Variants in KIF26B observed in about 807,000 individuals in gnomAD.
KIF26B encodes the protein kinesin-like protein KIF26B.
KIF26B carries 63 observed loss-of-function variants against 151.2 expected under a neutral mutation model. The observed-to-expected ratio is 0.42, with a 90% CI of 0.34 to 0.51. KIF26B has a LOEUF of 0.51. Among genes scored for constraint, KIF26B ranks in the 20% least tolerant of loss-of-function variants. The pLI, the probability that KIF26B is intolerant of heterozygous loss-of-function variation, is 0.07. For synonymous variants in KIF26B, 1,357 were observed against 1,262.1 expected (o/e 1.08, Z -1.59); for missense variants, 2,813 against 2,913.6 (o/e 0.97, Z 0.79).
At chr1:245,237,181 C>T (rs1391254559) in intron 2 of KIF26B, among the ~76,000 whole-genome samples, 1 of 152,210 alleles carries the variant, frequency 6.6e-6, no homozygotes, top group Non-Finnish European at 1.5e-5. Context: ...CCCATTGCCC[C>T]TGGTGGCGTG....
intron 4 of KIF26B, among the ~76,000 whole-genome samples, chr1:245,526,282 T>C (rs1176843249): frequency 6.6e-6 from 1 of 152,140 alleles, no homozygotes; most frequent in African/African-American, 2.4e-5. Flanking sequence ...GACGGTAGCA[T>C]AGACAGGAAA....
At chr1:245,222,527 G>T (rs1287196641) in intron 2 of KIF26B, among the ~76,000 whole-genome samples, 1 of 152,126 alleles carries the variant, frequency 6.6e-6, no homozygotes, top group East Asian at 1.9e-4. Context: ...AGAACTAGAA[G>T]AAAATATAGG....
At chr1:245,303,253 C>T (rs867316290) in intron 2 of KIF26B, among the ~76,000 whole-genome samples, 18 of 136,728 alleles carry the variant, frequency 1.3e-4, no homozygotes, top group Middle Eastern at 4.3e-3. Flanking sequence ...GGCCGGAGTG[C>T]AGTGGCGCGA....
intron 4 of KIF26B, among the ~76,000 whole-genome samples, chr1:245,423,495 G>A (rs925031477): frequency 6.0e-5 from 9 of 149,394 alleles, no homozygotes; most frequent in Admixed American, 3.3e-4. Context: ...TTTTTTCACC[G>A]TAATCATGAA....
In KIF26B at chr1:245,583,642, C is replaced by T. The variant is rs547968938; in HGVS notation, c.1351-18935C>T. On this transcript the variant is annotated intron_variant, in intron 5 of 14. Coordinates refer to ENST00000407071, the MANE Select transcript of KIF26B (RefSeq NM_018012.4). ...ATGCTGCCGGAGGACCTGTTGCCGT[C>T]TGGGCTGTATTGTAGGTGGGTGGTA... is the stretch of plus-strand genomic sequence containing the variant. Among the ~76,000 whole-genome samples, 11 of 152,346 alleles carry T rather than the reference C, an allele frequency of 7.2e-5. No homozygotes were observed. In the East Asian group the frequency reaches 1.9e-3, roughly 27 times the overall value.
At chr1:245,634,327 C>G (rs1009406321) in intron 9 of KIF26B, among the ~76,000 whole-genome samples, 1 of 152,134 alleles carries the variant, frequency 6.6e-6, no homozygotes, top group Non-Finnish European at 1.5e-5. Flanking sequence ...ATTTATTGTA[C>G]TTGCCTTATT....
At position 245,687,073 on chromosome 1, in the gene KIF26B, A is replaced by G. The variant is rs748398680; in HGVS notation, c.4090A>G (p.Thr1364Ala). Residue 1364 changes from threonine to alanine, a missense_variant, in exon 12 of 15, where the codon ACA becomes GCA. Thr to Ala is a moderately conservative substitution (Grantham distance 58, BLOSUM62 0). Around this residue, in one of 3 missense-constraint regions of KIF26B, gnomAD observed 2,060 missense variants for 2,088.6 expected, o/e 0.99. Coordinates refer to ENST00000407071, the MANE Select transcript of KIF26B (RefSeq NM_018012.4). This position sits in a 1 kb window ranked among gnomAD's most constrained non-coding sequence, Gnocchi z 4.9. ...AAPIKGCKIS[T>A]VSKAMVTISN... ...CCCCATCAAAGGCTGCAAAATATCCACAGTGAGCAAGGCCATGGTCACCAT... is the reference window on the plus strand; with the variant it reads ...CCCCATCAAAGGCTGCAAAATATCCGCAGTGAGCAAGGCCATGGTCACCAT... 2 of 1,613,472 alleles carry G rather than the reference A, an allele frequency of 1.2e-6. No homozygotes were observed. The highest frequency in any genetic ancestry group is 1.1e-5 in the South Asian group (1 of 91,034).
At chr1:245,230,275 A>C (rs1278679303) in intron 2 of KIF26B, among the ~76,000 whole-genome samples, 1 of 152,168 alleles carries the variant, frequency 6.6e-6, no homozygotes, top group East Asian at 1.9e-4. Flanking sequence ...AGCTCCCACC[A>C]AAAACGATGT....
At chr1:245,449,738 C>A (rs1440644851) in intron 4 of KIF26B, among the ~76,000 whole-genome samples, 1 of 152,172 alleles carries the variant, frequency 6.6e-6, no homozygotes, top group Non-Finnish European at 1.5e-5. Flanking sequence ...TACTTTAAAA[C>A]CATCATTTGA....
chr1:245,586,085 C>T (rs1279304891), intron 5 of KIF26B, among the ~76,000 whole-genome samples: 1 of 152,032 alleles, frequency 6.6e-6, no homozygotes, highest in Non-Finnish European at 1.5e-5. Context: ...TAACCTCAAA[C>T]TTCTAGGTTC....
intron 2 of KIF26B, among the ~76,000 whole-genome samples, chr1:245,198,204 A>G (rs1017031404): frequency 2.0e-5 from 3 of 152,258 alleles, no homozygotes; most frequent in African/African-American, 4.8e-5. Flanking sequence ...GGGAGATTCA[A>G]ATCAGGATAC....
chr1:245,609,427 G>C lies in KIF26B; in HGVS notation c.1813G>C (p.Glu605Gln). The change falls in exon 8 of 15, where the codon GAG becomes CAG. Residue 605 changes from glutamate (E) to glutamine (Q), a missense_variant. This residue lies in a region of KIF26B where 77 missense variants were observed against 136.9 expected (regional missense o/e 0.56). Coordinates refer to ENST00000407071, the MANE Select transcript of KIF26B (RefSeq NM_018012.4). ...CGCCGTGGAAGTGTGGGGGAAGGAG[G>C]AGAACCTGCGGGACCTGCTGTCGGA... The part of the protein sequence containing the change: ...VSAVEVWGKE[E>Q]NLRDLLSEVA... 6.2e-7 allele frequency: 1 copy of C among 1,608,422 alleles called. No individual in the cohort carries two copies. Among genetic ancestry groups the C allele is most frequent in the Non-Finnish European group, 8.5e-7 (1 of 1,177,554 alleles).
At chr1:245,493,527 C>T (rs995275297) in intron 4 of KIF26B, among the ~76,000 whole-genome samples, 4 of 152,218 alleles carry the variant, frequency 2.6e-5, no homozygotes, top group Admixed American at 1.3e-4. Flanking sequence ...AGCGTGGCAA[C>T]GGCCTTTGGA....
chr1:245,380,853 G>T (rs1673390844), intron 3 of KIF26B, among the ~76,000 whole-genome samples: 1 of 151,260 alleles, frequency 6.6e-6, no homozygotes, highest in African/African-American at 2.4e-5. Context: ...TTATTCCTCT[G>T]CATAGCAGTT....
At chr1:245,372,868 A>G (rs1673160312) in intron 3 of KIF26B, among the ~76,000 whole-genome samples, 1 of 152,234 alleles carries the variant, frequency 6.6e-6, no homozygotes, top group African/African-American at 2.4e-5. Flanking sequence ...CTGTGGTCCC[A>G]CCAACTATTA....
rs569597607 is a variant in KIF26B, at chr1:245,303,344, G to A, written c.466-63490G>A. On this transcript the variant is annotated intron_variant, in intron 2 of 14. Transcript: ENST00000407071. ...CTCCCGAGTAGCTGGGACTACAGGT[G>A]CCCGCCACCACGCCCGGCTAATTTT... Among the ~76,000 whole-genome samples, 851 of 151,212 alleles carry A rather than the reference G, an allele frequency of 5.6e-3. 6 individuals are homozygous for A. Among genetic ancestry groups the A allele is most frequent in the Admixed American group, 8.7e-3 (132 of 15,206 alleles).
Position 245,698,894 on chromosome 1 carries a change from T to C in KIF26B, c.6035T>C (p.Met2012Thr). 7 of 1,613,722 alleles carry C rather than the reference T, an allele frequency of 4.3e-6. No individual in the cohort carries two copies. Among genetic ancestry groups the C allele is most frequent in the South Asian group, 1.1e-5 (1 of 91,042 alleles). ...TCTCTGTCTGTGTGCTAGGAGGCCA[T>C]GTGCTTCAATGCAAAGCTGAAGATT... is the stretch of plus-strand genomic sequence containing the variant. ...RRRGGASKEA[M>T]CFNAKLKILE... The change falls in exon 14 of 15, where the codon ATG becomes ACG. Residue 2012 changes from methionine to threonine, a missense_variant. Met to Thr is a moderately conservative substitution (Grantham distance 81). Coordinates refer to ENST00000407071, the MANE Select transcript of KIF26B (RefSeq NM_018012.4). This position sits in a 1 kb window ranked among gnomAD's most constrained non-coding sequence, Gnocchi z 4.0.
rs1001307963 is a variant in KIF26B, at chr1:245,227,738, C to T, written c.465+71055C>T. Among the ~76,000 whole-genome samples, 2 of 152,110 alleles carry T rather than the reference C, an allele frequency of 1.3e-5. No homozygotes were observed. Among genetic ancestry groups the T allele is most frequent in the African/African-American group, 4.8e-5 (2 of 41,396 alleles). ...CTCTGAGGCTGGGTGTGGTGGCTCA[C>T]GCCTGTGATTCCAGCACTTTAGGAG... On this transcript the variant is annotated intron_variant, in intron 2 of 14. Transcript: ENST00000407071. The surrounding 1 kb of genome is among the most constrained non-coding windows in gnomAD (Gnocchi z 4.1).
chr1:245,420,654 G>A (rs1176679820), intron 4 of KIF26B, among the ~76,000 whole-genome samples: 1 of 152,204 alleles, frequency 6.6e-6, no homozygotes, highest in Non-Finnish European at 1.5e-5. Flanking sequence ...GGTTCCAGTT[G>A]CAGCAGTTCT....
Sources: gnomAD v4.1 joint callset for allele counts (sites outside exome capture counted in the v4.1 genomes callset) on GRCh38, gnomAD v4.1.1 for gene constraint, gnomAD v4.1.1 regional missense constraint, Gnocchi (gnomAD v3.1) non-coding constraint, MANE v1.5 for transcripts, NCBI Gene and HGNC (gene_info 2026-07-23, HGNC 2026-07-21) for gene names.